The following LYPLA1 variants were observed in gnomAD, a reference collection of about 807,000 sequenced individuals.
LYPLA1 encodes the protein acyl-protein thioesterase 1.
LYPLA1 carries 17 observed loss-of-function variants against 34.0 expected under a neutral mutation model. That is an observed-to-expected ratio of 0.50 (90% confidence interval 0.34 to 0.75). The LOEUF (loss-of-function observed/expected upper bound fraction) is 0.75, where lower values mean the gene tolerates loss of function less well. LYPLA1 is among the 30% of genes least tolerant of loss of function. The pLI is 0.01. For missense variants in LYPLA1, 203 were observed against 288.8 expected (o/e 0.70, Z 2.15); for synonymous variants, 98 against 100.8 (o/e 0.97, Z 0.17).
chr8:54,099,447 G>T (rs1809944175), intron 2 of LYPLA1, among the ~76,000 whole-genome samples: 1 of 152,158 alleles, frequency 6.6e-6, no homozygotes, highest in Non-Finnish European at 1.5e-5. Context: ...GGAGGCTCAG[G>T]TGGGTGGATC....
intron 2 of LYPLA1, among the ~76,000 whole-genome samples, chr8:54,097,304 G>A (rs1043517526): frequency 1.3e-4 from 20 of 152,190 alleles, no homozygotes; most frequent in African/African-American, 4.8e-4. Flanking sequence ...TACCAGAAAT[G>A]CATAAACTGA....
chr8:54,053,025 T>C (rs1805955777), intron 6 of LYPLA1: 2 of 367,798 alleles, frequency 5.4e-6, no homozygotes, highest in Non-Finnish European at 9.8e-6. Context: ...CTTACGAATA[T>C]TCTGAATTTA....
chr8:54,068,528 C>T (rs1444064261), intron 2 of LYPLA1, among the ~76,000 whole-genome samples: 4 of 152,078 alleles, frequency 2.6e-5, no homozygotes, highest in Non-Finnish European at 4.4e-5. Flanking sequence ...ATAAATCAAC[C>T]GAAAATCCAG....
intron 2 of LYPLA1, among the ~76,000 whole-genome samples, chr8:54,077,730 G>C (rs949569560): frequency 2.0e-5 from 3 of 152,160 alleles, no homozygotes; most frequent in Non-Finnish European, 4.4e-5. Flanking sequence ...CTTTTAAAAA[G>C]AGCTGGACAC....
chr8:54,062,670 C>A (rs560115754), intron 4 of LYPLA1, among the ~76,000 whole-genome samples: 31 of 152,238 alleles, frequency 2.0e-4, no homozygotes, highest in Middle Eastern at 3.4e-3. Flanking sequence ...TGCCACCACA[C>A]CCGGCTAATT....
chr8:54,053,579 G>C (rs1375140722), intron 6 of LYPLA1: 1 of 456,106 alleles, frequency 2.2e-6, no homozygotes, highest in Non-Finnish European at 4.4e-6. Flanking sequence ...GAGTACACGA[G>C]AGCCTTTCAC....
chr8:54,064,654 G>A (rs1230686640), intron 3 of LYPLA1, among the ~76,000 whole-genome samples: 1 of 152,110 alleles, frequency 6.6e-6, no homozygotes, highest in Non-Finnish European at 1.5e-5. Flanking sequence ...CACTTCTGGG[G>A]ATGAATTACT....
At chr8:54,083,569 CAGA>C (rs1808468029) in intron 2 of LYPLA1, among the ~76,000 whole-genome samples, 1 of 152,162 alleles carries the variant, frequency 6.6e-6, no homozygotes, top group African/African-American at 2.4e-5. Flanking sequence ...CTTTACCAGC[CAGA>C]AGGTCTCTGT....
chr8:54,062,266 C>A lies in LYPLA1; in HGVS notation c.274G>T (p.Ala92Ser). The A allele has an allele frequency of 6.2e-7, 1 of 1,604,896 alleles. No individual in the cohort carries two copies. Among genetic ancestry groups the A allele is most frequent in the Non-Finnish European group, 8.5e-7 (1 of 1,175,416 alleles). The change falls in exon 5 of 9, where the codon GCA becomes TCA. Residue 92 changes from alanine to serine, a missense_variant. Ala to Ser is a moderately conservative substitution (Grantham distance 99, BLOSUM62 1). Around this residue, in one of 3 missense-constraint regions of LYPLA1, gnomAD observed 123 missense variants for 199.2 expected, o/e 0.62. Coordinates refer to ENST00000316963, the MANE Select transcript of LYPLA1 (RefSeq NM_006330.4). ...TTTCTGTACTTACTATTTTCTGCTG[C>A]CTGTTTAATCCCAGATTCATCCTCC... is the stretch of plus-strand genomic sequence containing the variant. ...SQEDESGIKQAAENIKALIDQ... is the reference protein window; with the variant it reads ...SQEDESGIKQSAENIKALIDQ...
intron 2 of LYPLA1, among the ~76,000 whole-genome samples, chr8:54,085,744 A>G (rs1440003358): frequency 7.5e-6 from 1 of 133,438 alleles, no homozygotes; most frequent in Non-Finnish European, 1.7e-5. Flanking sequence ...CCGCCCGGCC[A>G]GCCGCCCCGT....
intron 2 of LYPLA1, among the ~76,000 whole-genome samples, chr8:54,081,695 G>A (rs545766390): frequency 8.6e-5 from 13 of 150,856 alleles, no homozygotes; most frequent in African/African-American, 2.4e-4. Flanking sequence ...GATTACAGGC[G>A]TGCACCACTG....
At chr8:54,062,372 G>C (rs1210076210) in intron 4 of LYPLA1, 48 bp from the exon 5 acceptor site, 1 of 1,221,456 alleles carries the variant, frequency 8.2e-7, no homozygotes, top group Non-Finnish European at 1.2e-6. Context: ...ATCTATTATT[G>C]TAGTAAGTAT....
chr8:54,091,940 T>C lies in LYPLA1; in HGVS notation c.101+8968A>G, dbSNP rs149248919. ...TCATCTCTACAAAAACTTTAAAAAATAGCCAGGCATGGTGGCATGCAGCTG... is the reference window on the plus strand; with the variant it reads ...TCATCTCTACAAAAACTTTAAAAAACAGCCAGGCATGGTGGCATGCAGCTG... On this transcript the variant is annotated intron_variant, in intron 2 of 8. Coordinates refer to ENST00000316963, the MANE Select transcript of LYPLA1 (RefSeq NM_006330.4). 1.4e-3 allele frequency among the ~76,000 whole-genome samples: 219 copies of C among 152,060 alleles called. 1 individual carries two copies. The highest frequency in any genetic ancestry group is 5.0e-3 in the African/African-American group (206 of 41,458).
chr8:54,076,836 T>C (rs904009045), intron 2 of LYPLA1, among the ~76,000 whole-genome samples: 5 of 152,058 alleles, frequency 3.3e-5, no homozygotes, highest in Non-Finnish European at 5.9e-5. Flanking sequence ...ATAGAAACAA[T>C]GCTAATGACT....
At chr8:54,068,894 T>C (rs1807267799) in intron 2 of LYPLA1, among the ~76,000 whole-genome samples, 1 of 152,176 alleles carries the variant, frequency 6.6e-6, no homozygotes, top group South Asian at 2.1e-4. Context: ...ACTTACATAG[T>C]GGGAAAAATG....
rs570106047 is a variant in LYPLA1 at position 54,082,839 on chromosome 8, G to A, written c.102-17026C>T. On this transcript the variant is annotated intron_variant, in intron 2 of 8. Transcript: ENST00000316963. ...CCTCCCAGGTTCACGCCATTCTCCC[G>A]CCTCAGCCTCCCAAGTAGCTGGGAC... Among the ~76,000 whole-genome samples the A allele has an allele frequency of 5.3e-4, 80 of 151,536 alleles. No individual in the cohort carries two copies. In the East Asian group the frequency reaches 0.014, roughly 26 times the overall value.
intron 2 of LYPLA1, among the ~76,000 whole-genome samples, chr8:54,080,868 G>A (rs147647865): frequency 0.056 from 8,488 of 152,274 alleles, 775 homozygotes; most frequent in African/African-American, 0.19. Context: ...GATTACAGGC[G>A]TAAGCCACTG....
At position 54,047,959 on chromosome 8, in the gene LYPLA1, T is replaced by TTG; in HGVS notation, c.*105_*106insCA. On this transcript the variant is annotated 3_prime_UTR_variant, in exon 9 of 9. Coordinates refer to ENST00000316963, the MANE Select transcript of LYPLA1 (RefSeq NM_006330.4). ...GTTATTGGCATGTATTTGCAAAACA[T>TTG]TTTAACACTGCAAAACATTAGAAAT... 2.7e-6 allele frequency: 2 copies of TTG among 734,634 alleles called. No homozygotes were observed. Among genetic ancestry groups the TTG allele is most frequent in the Non-Finnish European group, 4.6e-6 (2 of 430,304 alleles). 45.5% of individuals were successfully genotyped at this position (734,634 alleles called of 1,614,324 possible).
At chr8:54,054,673 G>C (rs1252981290) in intron 6 of LYPLA1, 1 of 157,508 alleles carries the variant, frequency 6.3e-6, no homozygotes. Context: ...AAAGAAAAAT[G>C]CCAAAAATAA....
Sources: gnomAD v4.1 joint callset for allele counts (sites outside exome capture counted in the v4.1 genomes callset) on GRCh38, gnomAD v4.1.1 for gene constraint, gnomAD v4.1.1 regional missense constraint, MANE v1.5 for transcripts, NCBI Gene and HGNC (gene_info 2026-07-23, HGNC 2026-07-21) for gene names.